DCDC2: variants seen among roughly 807,000 people sequenced by gnomAD.
DCDC2 encodes the protein doublecortin domain-containing protein 2.
A neutral mutation model predicts 50.2 loss-of-function variants in DCDC2; 40 were observed. That is an observed-to-expected ratio of 0.80 (90% CI 0.62 to 1.04). The LOEUF (loss-of-function observed/expected upper bound fraction) is 1.04. Ranked by LOEUF, DCDC2 falls within the 50% of genes least tolerant of loss-of-function variation. The pLI is 0.00. For synonymous variants in DCDC2, 234 were observed against 210.6 expected, an observed-to-expected ratio of 1.11 and a Z score of -0.96; for missense variants, 570 against 581.9, an observed-to-expected ratio of 0.98 and a Z score of 0.21.
At chr6:24,214,187 G>A (rs545801203) in intron 7 of DCDC2, among the ~76,000 whole-genome samples, 1 of 152,196 alleles carries the variant, frequency 6.6e-6, no homozygotes, top group African/African-American at 2.4e-5. Flanking sequence ...TCCCATTTCA[G>A]GGTATTAAAT....
Position 24,174,616 on chromosome 6 carries a change from G to T in DCDC2, c.*114C>A. On this transcript the variant is annotated 3_prime_UTR_variant, in exon 10 of 10. Transcript: ENST00000378454. ...AGGCTTCTAATGTTATAATTCGTAG[G>T]TAGTATTCGACCATAGTGTCACATT... 1 of 635,926 alleles carries T rather than the reference G, an allele frequency of 1.6e-6. No homozygotes were observed. The highest frequency in any genetic ancestry group is 2.7e-6 in the Non-Finnish European group (1 of 374,344). 39.4% of individuals were successfully genotyped at this position (635,926 alleles called of 1,614,324 possible). A position where few individuals can be genotyped will look rare whatever the true frequency, so the allele number is the denominator to read the frequency against.
intron 8 of DCDC2, among the ~76,000 whole-genome samples, chr6:24,179,643 C>A (rs1483306635): frequency 1.4e-5 from 2 of 142,898 alleles, no homozygotes; most frequent in Non-Finnish European, 3.0e-5. Flanking sequence ...TATTTTGATA[C>A]ACATAAATCT....
At chr6:24,229,473 T>C (rs911929983) in intron 7 of DCDC2, among the ~76,000 whole-genome samples, 2 of 152,106 alleles carry the variant, frequency 1.3e-5, no homozygotes, top group Admixed American at 1.3e-4. Context: ...CAACCTTAAT[T>C]CCCCCTTGCC....
chr6:24,249,030 G>A (rs1056184731), intron 7 of DCDC2, among the ~76,000 whole-genome samples: 1 of 152,050 alleles, frequency 6.6e-6, no homozygotes, highest in Non-Finnish European at 1.5e-5. Flanking sequence ...AATACCAAGT[G>A]TCAGGTGACC....
At position 24,207,256 on chromosome 6, in the gene DCDC2, T is replaced by TTCTTTCTCTCTCTCTC. The variant is rs1554145067; in HGVS notation, c.923-2155_923-2154insGAGAGAGAGAGAAAGA. 2.5e-4 allele frequency among the ~76,000 whole-genome samples: 33 copies of TTCTTTCTCTCTCTCTC among 129,690 alleles called. 1 individual carries two copies. Among genetic ancestry groups the TTCTTTCTCTCTCTCTC allele is most frequent in the Admixed American group, 2.4e-3 (31 of 13,034 alleles). The allele number at this position is 129,690 out of a possible 152,430, so 85.1% of individuals were successfully genotyped here. On this transcript the variant is annotated intron_variant, in intron 7 of 9. Coordinates refer to ENST00000378454, the MANE Select transcript of DCDC2 (RefSeq NM_016356.5). ...CTTCCCTCCCTCACTCCATCTATCT[T>TTCTTTCTCTCTCTCTC]TCTCTCTCTCTCTCTCTCTCTCTCT...
intron 6 of DCDC2, among the ~76,000 whole-genome samples, chr6:24,282,157 C>T (rs1201267541): frequency 6.6e-6 from 1 of 152,132 alleles, no homozygotes; most frequent in Non-Finnish European, 1.5e-5. Flanking sequence ...ATCAGTATAT[C>T]CAAAAGGAAT....
chr6:24,218,428 T>C (rs1397009190), intron 7 of DCDC2, among the ~76,000 whole-genome samples: 3 of 152,242 alleles, frequency 2.0e-5, no homozygotes, highest in Admixed American at 1.3e-4. Flanking sequence ...TCTCTATCTA[T>C]AATAAAAATG....
intron 7 of DCDC2, among the ~76,000 whole-genome samples, chr6:24,241,827 G>A (rs556033853): frequency 1.3e-5 from 2 of 152,162 alleles, no homozygotes; most frequent in African/African-American, 2.4e-5. Flanking sequence ...TAGAATATAT[G>A]AGTGTACTTC....
chr6:24,323,895 A>G (rs1197309630), intron 2 of DCDC2, among the ~76,000 whole-genome samples: 2 of 152,232 alleles, frequency 1.3e-5, no homozygotes, highest in African/African-American at 2.4e-5. Context: ...TACTCAAACT[A>G]TATTTAACAC....
intron 2 of DCDC2, among the ~76,000 whole-genome samples, chr6:24,313,542 A>G (rs1759609816): frequency 6.6e-6 from 1 of 152,180 alleles, no homozygotes; most frequent in South Asian, 2.1e-4. Context: ...TGGAATGTAA[A>G]TTTTCCACTA....
At chr6:24,320,523 G>A (rs1759752590) in intron 2 of DCDC2, among the ~76,000 whole-genome samples, 1 of 152,028 alleles carries the variant, frequency 6.6e-6, no homozygotes, top group Admixed American at 6.6e-5. Context: ...GTAGAGACAG[G>A]GTTTCACCAT....
chr6:24,327,451 A>AAGTTATTT (rs568793518), intron 2 of DCDC2, among the ~76,000 whole-genome samples: 4,054 of 83,774 alleles, frequency 0.048, 268 homozygotes, highest in African/African-American at 0.068. Flanking sequence ...CAACATTATA[A>AAGTTATTT]ACTTATTTAT....
chr6:24,287,956 T>C (rs1403958787), intron 6 of DCDC2, among the ~76,000 whole-genome samples: 1 of 152,246 alleles, frequency 6.6e-6, no homozygotes, highest in Non-Finnish European at 1.5e-5. Flanking sequence ...TCTCAGCTAA[T>C]GAGTTCTTAA....
intron 6 of DCDC2, among the ~76,000 whole-genome samples, chr6:24,280,892 G>A (rs759172434): frequency 5.1e-4 from 78 of 152,148 alleles, no homozygotes; most frequent in Non-Finnish European, 8.2e-4. Flanking sequence ...TTCACACGCC[G>A]TTAGCAAGCT....
intron 7 of DCDC2, among the ~76,000 whole-genome samples, chr6:24,233,843 T>G (rs528125348): frequency 1.3e-5 from 2 of 152,206 alleles, no homozygotes; most frequent in African/African-American, 4.8e-5. Context: ...TATAGGATGG[T>G]GAAATTTAGT....
At chr6:24,207,256 T>TTCTCTCTCTCTCTCTCTCTC (rs60603298) in intron 7 of DCDC2, among the ~76,000 whole-genome samples, 270 of 129,654 alleles carry the variant, frequency 2.1e-3, no homozygotes, top group Middle Eastern at 7.8e-3. Flanking sequence ...CCATCTATCT[T>TTCTCTCTCTCTCTCTCTCTC]TCTCTCTCTC....
At chr6:24,343,717 C>T (rs1001552158) in intron 2 of DCDC2, among the ~76,000 whole-genome samples, 1 of 152,202 alleles carries the variant, frequency 6.6e-6, no homozygotes, top group Non-Finnish European at 1.5e-5. Flanking sequence ...AATATAAGAA[C>T]AAGCTCCTCT....
At position 24,285,976 on chromosome 6, in the gene DCDC2, TAAAGAA is replaced by T. The variant is rs1763598338; in HGVS notation, c.759+2870_759+2875del. Among the ~76,000 whole-genome samples, 4 of 152,318 alleles carry T rather than the reference TAAAGAA, an allele frequency of 2.6e-5. No individual in the cohort carries two copies. In the South Asian group the frequency reaches 8.3e-4, roughly 32 times the overall value. On this transcript the variant is annotated intron_variant, in intron 6 of 9. Transcript: ENST00000378454. ...CAGAAGGGATTCTGCTACAAAGTCC[TAAAGAA>T]AAACAAAAAAAGCAAAATACAATTT...
At chr6:24,246,943 C>A (rs1218698570) in intron 7 of DCDC2, among the ~76,000 whole-genome samples, 1 of 152,094 alleles carries the variant, frequency 6.6e-6, no homozygotes, top group African/African-American at 2.4e-5. Context: ...GAAATGAGTC[C>A]CATTTTCTCA....
Sources: gnomAD v4.1 joint callset for allele counts (sites outside exome capture counted in the v4.1 genomes callset) on GRCh38, gnomAD v4.1.1 for gene constraint, MANE v1.5 for transcripts, NCBI Gene and HGNC (gene_info 2026-07-23, HGNC 2026-07-21) for gene names.